The following RBFOX1 variants were observed in gnomAD, a reference collection of about 807,000 sequenced individuals.
RBFOX1 encodes the protein RNA binding fox-1 homolog 1.
A neutral mutation model predicts 57.7 loss-of-function variants in RBFOX1; 8 were observed. The observed-to-expected ratio is 0.14, with a 90% CI of 0.08 to 0.25. The LOEUF (loss-of-function observed/expected upper bound fraction) is 0.25. Ranked by LOEUF, RBFOX1 falls within the 10% of genes least tolerant of loss-of-function variation. The pLI is 1.00. For synonymous variants in RBFOX1, 326 were observed against 222.4 expected (o/e 1.47, Z -4.15); for missense variants, 611 against 548.5 (o/e 1.11, Z -1.14).
At chr16:6,810,452 C>G (rs564218501) in intron 3 of RBFOX1, among the ~76,000 whole-genome samples, 1 of 152,068 alleles carries the variant, frequency 6.6e-6, no homozygotes, top group Non-Finnish European at 1.5e-5. Flanking sequence ...GATGGCGACA[C>G]AAAGGTATCT....
At chr16:6,925,961 G>T (rs555661083) in intron 3 of RBFOX1, among the ~76,000 whole-genome samples, 1 of 152,016 alleles carries the variant, frequency 6.6e-6, no homozygotes, top group African/African-American at 2.4e-5. Context: ...TCATCGTTAA[G>T]TCTGTAGTCC....
In RBFOX1 at chr16:6,631,198, G is replaced by A. The variant is rs556413201; in HGVS notation, c.-63-23405G>A. On this transcript the variant is annotated intron_variant, in intron 2 of 15. Transcript: ENST00000550418. Reference sequence around the variant, plus strand: ...ATAGAGCCTCGGAAATTGTGAATCTGAGAAAGAACTGGAGGTTAAGTGATA... The same window carrying A: ...ATAGAGCCTCGGAAATTGTGAATCTAAGAAAGAACTGGAGGTTAAGTGATA... 2.0e-4 allele frequency among the ~76,000 whole-genome samples: 31 copies of A among 152,180 alleles called. 1 individual carries two copies. The South Asian group carries it at 6.5e-3, about 32-fold the overall frequency.
rs377095497 is a variant in RBFOX1 at position 6,788,774 on chromosome 16, C to T, written c.-16+134124C>T. 5.9e-5 allele frequency among the ~76,000 whole-genome samples: 9 copies of T among 152,076 alleles called. No individual in the cohort carries two copies. The East Asian group carries it at 9.7e-4, about 16-fold the overall frequency. On this transcript the variant is annotated intron_variant, in intron 3 of 15. Transcript: ENST00000550418. ...ACAGGTGTGAGCGACCGTGCCCGGC[C>T]CCCCACTGATTTTTCTGAGGATGCC... is the stretch of plus-strand genomic sequence containing the variant.
chr16:7,638,178 G>A (rs143476864), intron 11 of RBFOX1, among the ~76,000 whole-genome samples: 74 of 152,270 alleles, frequency 4.9e-4, no homozygotes, highest in African/African-American at 1.8e-3. Context: ...AAATCATGAT[G>A]ATATCCATAA....
intron 3 of RBFOX1, among the ~76,000 whole-genome samples, chr16:6,734,071 C>A (rs1272165705): frequency 6.6e-6 from 1 of 152,162 alleles, no homozygotes. Context: ...AACTTATACC[C>A]CACTGCCTGG....
intron 4 of RBFOX1, among the ~76,000 whole-genome samples, chr16:6,014,021 G>T (rs2094978148): frequency 6.6e-6 from 1 of 151,928 alleles, no homozygotes; most frequent in African/African-American, 2.4e-5. Context: ...TAAATGACGA[G>T]TTAATGGGTG....
chr16:6,336,861 G>A (rs2083835482), intron 2 of RBFOX1, among the ~76,000 whole-genome samples: 2 of 152,164 alleles, frequency 1.3e-5, no homozygotes, highest in Non-Finnish European at 2.9e-5. Flanking sequence ...CATGACAAAT[G>A]AAGTTACTTC....
intron 3 of RBFOX1, among the ~76,000 whole-genome samples, chr16:6,890,711 A>G (rs534918751): frequency 6.6e-6 from 1 of 152,330 alleles, no homozygotes; most frequent in East Asian, 1.9e-4. Flanking sequence ...TATGAATAGC[A>G]TATTCCAAGT....
chr16:5,299,324 A>C (rs1274273341), intron 1 of RBFOX1, among the ~76,000 whole-genome samples: 2 of 152,078 alleles, frequency 1.3e-5, no homozygotes, highest in African/African-American at 4.8e-5. Flanking sequence ...ATACTTTATA[A>C]TTTGTTATTT....
At chr16:6,301,099 C>A (rs1173834548) in intron 1 of RBFOX1, among the ~76,000 whole-genome samples, 1 of 152,054 alleles carries the variant, frequency 6.6e-6, no homozygotes, top group Non-Finnish European at 1.5e-5. Context: ...CCTTGAGGAT[C>A]AGAAACAGAA....
At chr16:6,803,190 T>C (rs1024358771) in intron 3 of RBFOX1, among the ~76,000 whole-genome samples, 1 of 152,154 alleles carries the variant, frequency 6.6e-6, no homozygotes, top group Non-Finnish European at 1.5e-5. Flanking sequence ...ACCAAATGAT[T>C]GAAAATAGTC....
intron 2 of RBFOX1, among the ~76,000 whole-genome samples, chr16:6,608,084 A>G (rs1451355475): frequency 6.6e-6 from 1 of 152,182 alleles, no homozygotes; most frequent in African/African-American, 2.4e-5. Context: ...AATTAATGAG[A>G]CAATGTCTCA....
At chr16:6,525,187 G>A (rs2096561735) in intron 2 of RBFOX1, among the ~76,000 whole-genome samples, 3 of 152,174 alleles carry the variant, frequency 2.0e-5, no homozygotes, top group Admixed American at 2.0e-4. Flanking sequence ...GTGTTAGAAG[G>A]CAAACAAGAA....
chr16:6,757,212 A>G (rs2075941114), intron 3 of RBFOX1, among the ~76,000 whole-genome samples: 2 of 152,142 alleles, frequency 1.3e-5, no homozygotes, highest in Admixed American at 1.3e-4. Flanking sequence ...GAAAATTGGC[A>G]CAGCTAATAG....
chr16:6,869,147 C>G (rs1033825278), intron 3 of RBFOX1, among the ~76,000 whole-genome samples: 3 of 152,190 alleles, frequency 2.0e-5, no homozygotes, highest in Non-Finnish European at 2.9e-5. Flanking sequence ...CATCTTGCCT[C>G]TTGCTTACCT....
intron 2 of RBFOX1, among the ~76,000 whole-genome samples, chr16:6,576,258 G>A (rs955390613): frequency 2.0e-5 from 3 of 152,146 alleles, no homozygotes; most frequent in African/African-American, 7.2e-5. Context: ...GACCACTCTG[G>A]TCAGGATGTG....
intron 4 of RBFOX1, among the ~76,000 whole-genome samples, chr16:7,446,629 C>T (rs368126083): frequency 3.9e-5 from 6 of 152,054 alleles, no homozygotes; most frequent in Admixed American, 3.9e-4. Context: ...GCTTCCTGAA[C>T]CACATGAGCC....
At chr16:7,536,362 G>C (rs561835323) in intron 5 of RBFOX1, among the ~76,000 whole-genome samples, 1 of 152,240 alleles carries the variant, frequency 6.6e-6, no homozygotes, top group Non-Finnish European at 1.5e-5. Context: ...GGGAGGCCAA[G>C]GTGGGTGGAT....
chr16:7,106,979 G>GT (rs548976931), intron 4 of RBFOX1, among the ~76,000 whole-genome samples: 80,489 of 144,974 alleles, frequency 0.56, 22,254 homozygotes, highest in South Asian at 0.68. Context: ...AAGCCACACA[G>GT]TTAAAACACA....
Sources: allele counts gnomAD v4.1 joint callset (sites outside exome capture counted in the v4.1 genomes callset), GRCh38; gene constraint gnomAD v4.1.1; transcripts MANE v1.5; gene names NCBI Gene and HGNC (gene_info 2026-07-23, HGNC 2026-07-21).